Variants in SMARCA4 observed in about 807,000 individuals in gnomAD.
SMARCA4 encodes SWI/SNF-related matrix-associated actin-dependent regulator of chromatin subfamily A member 4.
A neutral mutation model predicts 193.9 loss-of-function variants in SMARCA4; 31 were observed. The ratio of observed to expected loss-of-function variants is 0.16; its 90% CI spans 0.12 to 0.22. The LOEUF is 0.22. Ranked by LOEUF, SMARCA4 falls within the 10% of genes least tolerant of loss-of-function variation. The pLI is 1.00. For missense variants in SMARCA4, 1,148 were observed against 2,296.0 expected, an observed-to-expected ratio of 0.50 and a Z score of 10.22; for synonymous variants, 942 against 933.1, an observed-to-expected ratio of 1.01 and a Z score of -0.17.
At chr19:10,991,363 C>T (rs1367363041) in intron 8 of SMARCA4, 40 bp downstream of exon 8, 2 of 1,556,542 alleles carry the variant, frequency 1.3e-6, no homozygotes, top group African/African-American at 1.4e-5. Flanking sequence ...GCCCGCCCAC[C>T]TGGCTGCCTG....
chr19:11,060,600 C>G (rs2076808761), intron 34 of SMARCA4: 1 of 281,814 alleles, frequency 3.5e-6, no homozygotes, highest in South Asian at 4.4e-5. Context: ...GGCAGAAACG[C>G]CAAGACCACA....
chr19:11,043,679 T>C (rs539019137), intron 30 of SMARCA4, among the ~76,000 whole-genome samples: 3 of 151,752 alleles, frequency 2.0e-5, no homozygotes, highest in African/African-American at 7.3e-5. Flanking sequence ...AAATACAGAA[T>C]ACTTATTTAA....
intron 1 of SMARCA4, among the ~76,000 whole-genome samples, chr19:10,983,872 C>T (rs2085774095): frequency 1.3e-5 from 2 of 152,030 alleles, no homozygotes; most frequent in Admixed American, 6.6e-5. Flanking sequence ...CCCTGAAGGC[C>T]CCTGTGGGGC....
At chr19:11,055,792 C>T (rs941373258) in intron 30 of SMARCA4, among the ~76,000 whole-genome samples, 7 of 152,140 alleles carry the variant, frequency 4.6e-5, no homozygotes, top group African/African-American at 1.7e-4. Flanking sequence ...TGGGGTTTTG[C>T]CATGTTGTCC....
rs2085166153 is a variant in SMARCA4, at chr19:10,976,788, C to T, written c.-31-7333C>T. On this transcript the variant is annotated intron_variant, in intron 1 of 34. Transcript: ENST00000344626. ...AAAAAAATTGGGCCGGGCGTGGTGCCTCTCATCTGTAATCCTAGCACTTTG... is the reference window on the plus strand; with the variant it reads ...AAAAAAATTGGGCCGGGCGTGGTGCTTCTCATCTGTAATCCTAGCACTTTG... 2.0e-5 allele frequency among the ~76,000 whole-genome samples: 3 copies of T among 147,260 alleles called. No individual in the cohort carries two copies. In the South Asian group the frequency reaches 6.5e-4, roughly 32 times the overall value.
At chr19:11,042,503 G>A (rs1265076241) in intron 30 of SMARCA4, among the ~76,000 whole-genome samples, 2 of 152,204 alleles carry the variant, frequency 1.3e-5, no homozygotes, top group Non-Finnish European at 2.9e-5. Flanking sequence ...GGCTGTCCCC[G>A]TAATGGGAGG....
Position 11,003,334 on chromosome 19 carries a change from T to C in SMARCA4, c.1944-6T>C, listed in dbSNP as rs1060504459. ...ATTTGTATGAAAGCCCTTACATTTT[T>C]TCTAGGTATGAAGTAGCTCCGAGGT... On this transcript the variant is annotated splice_region_variant and splice_polypyrimidine_tract_variant and intron_variant, in intron 12 of 34. Transcript: ENST00000344626. 3.1e-6 allele frequency: 5 copies of C among 1,613,770 alleles called. No individual in the cohort carries two copies. The highest frequency in any genetic ancestry group is 4.2e-6 in the Non-Finnish European group (5 of 1,179,618).
chr19:11,058,259 A>G lies in SMARCA4; in HGVS notation c.4429A>G (p.Ser1477Gly), dbSNP rs1291067078. 1.9e-6 allele frequency: 3 copies of G among 1,611,212 alleles called. No homozygotes were observed. The highest frequency in any genetic ancestry group is 2.5e-6 in the Non-Finnish European group (3 of 1,178,878). Residue 1477 changes from serine (S) to glycine (G), a missense_variant, in exon 31 of 35, where the codon AGT (serine) becomes GGT (glycine). This residue lies in a region of SMARCA4 where 141 missense variants were observed against 193.0 expected (regional missense o/e 0.73). Coordinates refer to ENST00000344626, the MANE Select transcript of SMARCA4 (RefSeq NM_003072.5). The surrounding 1 kb of genome is among the most constrained non-coding windows in gnomAD (Gnocchi z 5.8). ...GCCGCCGGTTCTGCCTTGCAGCAGC[A>G]GTGGACGTCAGCTCAGCGAGGTCTT... Reference protein sequence around the residue: ...DAVIKYKDSSSGRQLSEVFIQ... With the variant: ...DAVIKYKDSSGGRQLSEVFIQ...
At chr19:11,046,699 A>G (rs1220987728) in intron 30 of SMARCA4, among the ~76,000 whole-genome samples, 1 of 152,202 alleles carries the variant, frequency 6.6e-6, no homozygotes, top group African/African-American at 2.4e-5. Context: ...CACGCCTGTA[A>G]TCCCAGAACT....
At chr19:10,974,845 T>G (rs1292946613) in intron 1 of SMARCA4, among the ~76,000 whole-genome samples, 1 of 148,664 alleles carries the variant, frequency 6.7e-6, no homozygotes, top group Non-Finnish European at 1.5e-5. Flanking sequence ...TAGCTGTGAT[T>G]ACAGGTGCCC....
At chr19:11,002,229 A>G (rs916423067) in intron 11 of SMARCA4, among the ~76,000 whole-genome samples, 2 of 152,040 alleles carry the variant, frequency 1.3e-5, no homozygotes, top group Admixed American at 1.3e-4. Context: ...AAAAATAAAA[A>G]TGGGCCTTGG....
At chr19:11,018,871 GC>G in intron 16 of SMARCA4, 85 bp from the exon 17 acceptor site, 1 of 1,120,956 alleles carries the variant, frequency 8.9e-7, no homozygotes, top group Non-Finnish European at 1.4e-6. Flanking sequence ...TGTTGGCCTC[GC>G]CCCTGACAGC....
At chr19:11,006,572 G>A (rs2088223294) in intron 13 of SMARCA4, among the ~76,000 whole-genome samples, 1 of 152,110 alleles carries the variant, frequency 6.6e-6, no homozygotes, top group Non-Finnish European at 1.5e-5. Flanking sequence ...CCAACATGAT[G>A]AAACCCCGTC....
In SMARCA4 at chr19:11,033,043, G is replaced by A. The variant is rs2075036965; in HGVS notation, c.3547-247G>A. The A allele has an allele frequency of 8.4e-6, 5 of 593,662 alleles. No individual in the cohort carries two copies. Among genetic ancestry groups the A allele is most frequent in the African/African-American group, 1.8e-5 (1 of 54,086 alleles). The allele number at this position is 593,662 out of a possible 1,614,324, so 36.8% of individuals were successfully genotyped here. On this transcript the variant is annotated intron_variant, in intron 25 of 34. Coordinates refer to ENST00000344626, the MANE Select transcript of SMARCA4 (RefSeq NM_003072.5). The surrounding 1 kb of genome is among the most constrained non-coding windows in gnomAD (Gnocchi z 9.8). ...GTTGGTGCTTTCTTCCCGAATATCT[G>A]TGGGGTCCCAATAAGGTAGAAGGTG...
intron 1 of SMARCA4, chr19:10,983,467 C>T (rs995532067): frequency 6.7e-6 from 1 of 148,268 alleles, no homozygotes; most frequent in African/African-American, 2.5e-5. Flanking sequence ...CAGAGTGTCG[C>T]TCTATTGCCC....
In SMARCA4 at chr19:11,041,390, C is replaced by T. The variant is rs370380553; in HGVS notation, c.4254C>T (p.Asp1418=). 24 of 1,612,614 alleles carry T rather than the reference C, an allele frequency of 1.5e-5. No homozygotes were observed. In the African/African-American group the frequency reaches 2.1e-4, roughly 14 times the overall value. ...CACGGAAGCGCAAGCGAGACAGCGA[C>T]GCCGGCTCCTCCACCCCGACCACCA... The part of the protein sequence containing the change: ...KSSRKRKRDS[D]AGSSTPTTST... The change falls in exon 30 of 35, where the codon GAC becomes GAT. Residue 1418 remains aspartate, a synonymous_variant. Coordinates refer to ENST00000344626, the MANE Select transcript of SMARCA4 (RefSeq NM_003072.5). This position sits in a 1 kb window ranked among gnomAD's most constrained non-coding sequence, Gnocchi z 5.6.
chr19:11,048,213 TTTTG>T (rs1277507077), intron 30 of SMARCA4, among the ~76,000 whole-genome samples: 1 of 152,170 alleles, frequency 6.6e-6, no homozygotes, highest in Non-Finnish European at 1.5e-5. Context: ...AAAAACTTCT[TTTTG>T]TTTAATTGGA....
In SMARCA4 at chr19:11,031,917, C is replaced by CCCTG. The variant is rs1476841006; in HGVS notation, c.3546+1027_3546+1030dup. The stretch of plus-strand genomic sequence containing the variant: ...ACTCCTACGCTGGGGTGTGAATGTA[C>CCCTG]CCTGCCCTTCCCTGCAGCGTGAGGG... On this transcript the variant is annotated intron_variant, in intron 25 of 34. Coordinates refer to ENST00000344626, the MANE Select transcript of SMARCA4 (RefSeq NM_003072.5). The surrounding 1 kb of genome is among the most constrained non-coding windows in gnomAD (Gnocchi z 4.3). 6.6e-6 allele frequency: 1 copy of CCCTG among 152,260 alleles called. No individual in the cohort carries two copies. Among genetic ancestry groups the CCCTG allele is most frequent in the Non-Finnish European group, 1.5e-5 (1 of 68,072 alleles). The allele number at this position is 152,260 out of a possible 1,614,324, so 9.4% of individuals were successfully genotyped here.
intron 34 of SMARCA4, among the ~76,000 whole-genome samples, chr19:11,060,889 A>G (rs912436426): frequency 5.3e-5 from 8 of 152,180 alleles, no homozygotes; most frequent in African/African-American, 1.9e-4. Context: ...CGAAAGACGC[A>G]CGTGACGTTT....
Sources: gnomAD v4.1 joint callset for allele counts (sites outside exome capture counted in the v4.1 genomes callset) on GRCh38, gnomAD v4.1.1 for gene constraint, gnomAD v4.1.1 regional missense constraint, Gnocchi (gnomAD v3.1) non-coding constraint, MANE v1.5 for transcripts, NCBI Gene and HGNC (gene_info 2026-07-23, HGNC 2026-07-21) for gene names.